Variants in CPVL observed in about 807,000 individuals in gnomAD.
CPVL encodes probable serine carboxypeptidase CPVL.
Under a neutral mutation model 63.7 loss-of-function variants are expected in CPVL, and 51 were observed. That is an observed-to-expected ratio of 0.80 (90% CI 0.64 to 1.01). CPVL has a LOEUF of 1.01. Among genes scored for constraint, CPVL ranks in the 50% least tolerant of loss-of-function variants. The pLI is 0.00. For missense variants in CPVL, 530 were observed against 573.1 expected (o/e 0.92, Z 0.77); for synonymous variants, 195 against 206.0 (o/e 0.95, Z 0.46).
At chr7:29,107,903 C>G (rs1787877731) in intron 3 of CPVL, among the ~76,000 whole-genome samples, 1 of 152,228 alleles carries the variant, frequency 6.6e-6, no homozygotes, top group South Asian at 2.1e-4. Context: ...AAGGGCTGTT[C>G]TGTTGGCTTC....
chr7:29,063,910 T>C (rs1782888820), intron 11 of CPVL, 151 bp downstream of exon 11: 3 of 595,076 alleles, frequency 5.0e-6, no homozygotes, highest in Non-Finnish European at 8.7e-6. Flanking sequence ...AAACTTTGAA[T>C]TGGAATCAAA....
intron 1 of CPVL, among the ~76,000 whole-genome samples, chr7:29,129,476 CT>C (rs386409807): frequency 7.5e-5 from 11 of 146,452 alleles, no homozygotes; most frequent in Non-Finnish European, 7.5e-5. Context: ...TTTGCCATTA[CT>C]TTTTTTTTTT....
intron 1 of CPVL, among the ~76,000 whole-genome samples, chr7:29,130,773 A>G (rs529667920): frequency 7.2e-5 from 11 of 152,350 alleles, no homozygotes; most frequent in African/African-American, 2.6e-4. Context: ...AACTGTTGAT[A>G]AAAACGGAAT....
At chr7:29,006,459 A>C (rs1180407474) in intron 12 of CPVL, among the ~76,000 whole-genome samples, 1 of 152,196 alleles carries the variant, frequency 6.6e-6, no homozygotes, top group Non-Finnish European at 1.5e-5. Context: ...AAGGTGAGAA[A>C]GGCCTGTCAC....
chr7:29,037,558 AAAAAAAAAAAAAAAG>A (rs902691480), intron 11 of CPVL, among the ~76,000 whole-genome samples: 2 of 147,518 alleles, frequency 1.4e-5, no homozygotes, highest in African/African-American at 4.9e-5. Context: ...ATCTCAAAAA[AAAAAAAAAAAAAAAG>A]AAAAGAAAAG....
chr7:29,031,311 T>C (rs774439451), intron 11 of CPVL, among the ~76,000 whole-genome samples: 1 of 152,332 alleles, frequency 6.6e-6, no homozygotes, highest in Middle Eastern at 3.4e-3. Context: ...ATGCCTGCCA[T>C]GCCACTTGCA....
At chr7:29,009,772 C>A (rs1785618027) in intron 12 of CPVL, 1 of 152,068 alleles carries the variant, frequency 6.6e-6, no homozygotes, top group Admixed American at 6.6e-5. Context: ...AAATTCAGGA[C>A]AGTAGTCTAC....
At chr7:29,076,452 T>C (rs1304168604) in intron 7 of CPVL, among the ~76,000 whole-genome samples, 1 of 152,290 alleles carries the variant, frequency 6.6e-6, no homozygotes, top group East Asian at 1.9e-4. Context: ...AGAGGAAAAG[T>C]GTGGCCAGAA....
intron 11 of CPVL, among the ~76,000 whole-genome samples, chr7:29,035,080 G>T (rs1161313627): frequency 1.4e-5 from 2 of 140,424 alleles, no homozygotes; most frequent in South Asian, 4.3e-4. Flanking sequence ...TGGTGACTTG[G>T]ACCACAAGCA....
intron 11 of CPVL, among the ~76,000 whole-genome samples, chr7:29,057,815 T>G (rs774411247): frequency 2.4e-4 from 37 of 152,328 alleles, no homozygotes; most frequent in Non-Finnish European, 4.1e-4. Flanking sequence ...GTTGACTATA[T>G]TTATGTGGGT....
rs148812042 is a variant in CPVL at position 29,086,520 on chromosome 7, A to G, written c.573T>C (p.Pro191=). The G allele has an allele frequency of 3.7e-6, 6 of 1,612,286 alleles. No homozygotes were observed. The highest frequency in any genetic ancestry group is 5.1e-6 in the Non-Finnish European group (6 of 1,178,542). The change falls in exon 7 of 13, where the codon CCT becomes CCC. Residue 191 remains proline (P), a synonymous_variant. Coordinates refer to ENST00000265394, the MANE Select transcript of CPVL (RefSeq NM_031311.5). ...SALIQFFQIF[P]EYKNNDFYVT... ...CATAAAAGTCATTATTTTTATATTCAGGAAATATCTGGAAAAACTGAATTA... is the reference window on the plus strand; with the variant it reads ...CATAAAAGTCATTATTTTTATATTCGGGAAATATCTGGAAAAACTGAATTA...
At chr7:29,114,161 T>C (rs1310639586) in intron 2 of CPVL, among the ~76,000 whole-genome samples, 1 of 152,182 alleles carries the variant, frequency 6.6e-6, no homozygotes, top group Non-Finnish European at 1.5e-5. Context: ...GAATAGATGC[T>C]ACAAGTCAGG....
At chr7:29,176,556 A>G (rs1797370319) in intron 5 of CPVL, among the ~76,000 whole-genome samples, 1 of 152,216 alleles carries the variant, frequency 6.6e-6, no homozygotes, top group South Asian at 2.1e-4. Context: ...AAGTAAAGAC[A>G]TTTATAGACA....
chr7:29,169,052 A>G (rs955621841), intron 5 of CPVL, among the ~76,000 whole-genome samples: 2 of 151,852 alleles, frequency 1.3e-5, no homozygotes, highest in Admixed American at 6.5e-5. Context: ...TTTGATTTTC[A>G]TAGGCAATTC....
At chr7:29,041,785 A>G (rs1789117165) in intron 11 of CPVL, among the ~76,000 whole-genome samples, 1 of 152,144 alleles carries the variant, frequency 6.6e-6, no homozygotes. Flanking sequence ...CATCTAAGAT[A>G]CACACAGGAT....
At chr7:29,146,586 G>A, upstream of CPVL, 1 of 1,549,514 alleles carries the variant, frequency 6.5e-7, no homozygotes, top group Middle Eastern at 1.7e-4. Flanking sequence ...AGGCTCACAT[G>A]ACCCAGACCC....
chr7:29,142,084 C>A (rs962636280), intron 1 of CPVL, among the ~76,000 whole-genome samples: 104 of 152,118 alleles, frequency 6.8e-4, no homozygotes, highest in African/African-American at 3.6e-4. Context: ...CTCACCTTAC[C>A]CCCTGAACTT....
intron 5 of CPVL, among the ~76,000 whole-genome samples, chr7:29,152,092 G>C (rs1793674572): frequency 6.6e-6 from 1 of 152,098 alleles, no homozygotes; most frequent in African/African-American, 2.4e-5. Flanking sequence ...ATCCAAAGTG[G>C]GTTATCTAGA....
intron 7 of CPVL, among the ~76,000 whole-genome samples, chr7:29,075,533 A>AAC (rs1363095540): frequency 6.6e-6 from 1 of 151,216 alleles, no homozygotes; most frequent in African/African-American, 2.4e-5. Flanking sequence ...AAAAAAAAAA[A>AAC]AAAAGCCATC....
Sources: allele counts gnomAD v4.1 joint callset (sites outside exome capture counted in the v4.1 genomes callset), GRCh38; gene constraint gnomAD v4.1.1; transcripts MANE v1.5; gene names NCBI Gene and HGNC (gene_info 2026-07-23, HGNC 2026-07-21).